GALNT14: variants seen among roughly 807,000 people sequenced by gnomAD.
GALNT14 encodes the protein UDP-GalNAc:polypeptide N-acetylgalactosaminyltransferase 14.
GALNT14 carries 60 observed loss-of-function variants against 77.5 expected under a neutral mutation model. The ratio of observed to expected loss-of-function variants is 0.77; its 90% CI spans 0.63 to 0.96. GALNT14 has a LOEUF of 0.96. Among genes scored for constraint, GALNT14 ranks in the 40% least tolerant of loss-of-function variants. The pLI, the probability that GALNT14 is intolerant of heterozygous loss-of-function variation, is 0.00. For missense variants in GALNT14, 710 were observed against 731.0 expected (o/e 0.97, Z 0.33); for synonymous variants, 280 against 281.7 (o/e 0.99, Z 0.06).
intron 2 of GALNT14, among the ~76,000 whole-genome samples, chr2:30,981,013 C>T (rs1227017683): frequency 1.3e-5 from 2 of 152,148 alleles, no homozygotes; most frequent in African/African-American, 2.4e-5. Context: ...CACCGTGGTT[C>T]GAGATTAGGC....
At chr2:30,942,060 C>T (rs1242137980) in intron 9 of GALNT14, 141 bp downstream of exon 9, 1 of 574,274 alleles carries the variant, frequency 1.7e-6, no homozygotes, top group East Asian at 3.0e-5. Flanking sequence ...AAAAGAGTAA[C>T]TCACCATCTC....
At chr2:30,945,202 G>A (rs1004511543) in intron 7 of GALNT14, among the ~76,000 whole-genome samples, 2 of 152,198 alleles carry the variant, frequency 1.3e-5, no homozygotes, top group African/African-American at 4.8e-5. Context: ...AAGGGCAGAG[G>A]ATAAAAAGCC....
At chr2:31,079,713 G>A (rs551538653) in intron 1 of GALNT14, among the ~76,000 whole-genome samples, 19 of 152,216 alleles carry the variant, frequency 1.2e-4, no homozygotes, top group South Asian at 2.1e-4. Flanking sequence ...GGTTAAAAGG[G>A]GTCTGGCACA....
At chr2:30,994,350 C>T (rs970141377) in intron 1 of GALNT14, among the ~76,000 whole-genome samples, 2 of 152,168 alleles carry the variant, frequency 1.3e-5, no homozygotes, top group African/African-American at 4.8e-5. Flanking sequence ...CCAGGGCAGG[C>T]TCCACAGACA....
chr2:31,057,352 G>A (rs866766949), intron 1 of GALNT14, among the ~76,000 whole-genome samples: 1,490 of 86,666 alleles, frequency 0.017, 20 homozygotes, highest in African/African-American at 0.065. Context: ...ATATATATGT[G>A]TGTGTGTGTG....
the GALNT14 span, among the ~76,000 whole-genome samples, chr2:30,903,024 T>A: frequency 6.6e-6 from 1 of 152,140 alleles, no homozygotes; most frequent in Non-Finnish European, 1.5e-5. Flanking sequence ...ATGACCTCCC[T>A]TCTCTTTCCC....
chr2:31,035,567 G>A lies in GALNT14; in HGVS notation c.130-42560C>T, dbSNP rs528727291. On this transcript the variant is annotated intron_variant, in intron 1 of 14. Transcript: ENST00000349752. ...GGATAAAGAAAATGTGTGTGTGTGT[G>A]TATGTGTGTGTGTGTGTGTATACAT... 3.1e-3 allele frequency among the ~76,000 whole-genome samples: 418 copies of A among 135,986 alleles called. 3 individuals carry two copies. Among genetic ancestry groups the A allele is most frequent in the Middle Eastern group, 0.019 (5 of 270 alleles). 89.2% of individuals were successfully genotyped at this position (135,986 alleles called of 152,430 possible). A position where few individuals can be genotyped will look rare whatever the true frequency, so the allele number is the denominator to read the frequency against.
At position 30,914,791 on chromosome 2, in the gene GALNT14, G is replaced by C. The variant is rs76072815; in HGVS notation, c.1381-2449C>G. 4.7e-3 allele frequency among the ~76,000 whole-genome samples: 719 copies of C among 152,320 alleles called. 4 individuals are homozygous for C. Among genetic ancestry groups the C allele is most frequent in the African/African-American group, 0.017 (698 of 41,556 alleles). On this transcript the variant is annotated intron_variant, in intron 13 of 14. Coordinates refer to ENST00000349752, the MANE Select transcript of GALNT14 (RefSeq NM_024572.4). Reference sequence around the variant, plus strand: ...AACCCAGGGATGAGACCCACGCAGGGTTTTGAATTAGGCTGGGGCCATTTG... The same window carrying C: ...AACCCAGGGATGAGACCCACGCAGGCTTTTGAATTAGGCTGGGGCCATTTG...
chr2:31,122,319 T>C (rs922893041), intron 1 of GALNT14, among the ~76,000 whole-genome samples: 1 of 152,206 alleles, frequency 6.6e-6, no homozygotes, highest in African/African-American at 2.4e-5. Context: ...TTACCTGGCA[T>C]GGAGGAAGCC....
At chr2:30,980,473 T>A (rs1668918360) in intron 2 of GALNT14, among the ~76,000 whole-genome samples, 1 of 151,980 alleles carries the variant, frequency 6.6e-6, no homozygotes, top group Non-Finnish European at 1.5e-5. Flanking sequence ...TTACTAGAGG[T>A]TAAAGATGAG....
chr2:30,992,920 G>A lies in GALNT14; in HGVS notation c.217C>T (p.Pro73Ser). The change falls in exon 2 of 15, where the codon CCC becomes TCC. Residue 73 changes from proline (P) to serine (S), a missense_variant. Physicochemically the swap from Pro to Ser is moderately conservative, Grantham distance 74 (BLOSUM62 -1). Coordinates refer to ENST00000349752, the MANE Select transcript of GALNT14 (RefSeq NM_024572.4). ...NAKKWRVGDD[P>S]YKLYAFNQRE... The stretch of plus-strand genomic sequence containing the variant: ...TGGTTGAAAGCATACAGCTTATAGG[G>A]GTCGTCACCAACGCGCCACTTTTTG... 1.9e-6 allele frequency: 3 copies of A among 1,614,146 alleles called. No individual in the cohort carries two copies. The highest frequency in any genetic ancestry group is 2.5e-6 in the Non-Finnish European group (3 of 1,180,030).
chr2:31,017,834 A>G (rs1442296164), intron 1 of GALNT14, among the ~76,000 whole-genome samples: 1 of 152,374 alleles, frequency 6.6e-6, no homozygotes, highest in Admixed American at 6.5e-5. Flanking sequence ...AGGGGATTTA[A>G]TGATCAGCTT....
chr2:30,932,673 A>T (rs1665812334), intron 9 of GALNT14, among the ~76,000 whole-genome samples: 1 of 152,226 alleles, frequency 6.6e-6, no homozygotes, highest in African/African-American at 2.4e-5. Context: ...CAAGGTGACC[A>T]TTGTGAGAAG....
chr2:31,018,425 G>A (rs892388035), intron 1 of GALNT14, among the ~76,000 whole-genome samples: 3 of 152,216 alleles, frequency 2.0e-5, no homozygotes, highest in Non-Finnish European at 4.4e-5. Context: ...GAAGAGGCAT[G>A]TCTTACATGG....
chr2:31,043,198 TTAAG>T (rs950083434), intron 1 of GALNT14, among the ~76,000 whole-genome samples: 10 of 152,192 alleles, frequency 6.6e-5, no homozygotes, highest in African/African-American at 2.2e-4. Flanking sequence ...CCTCACCTCC[TTAAG>T]TAAGTGCTCA....
chr2:30,956,427 A>G (rs2081318), intron 4 of GALNT14, among the ~76,000 whole-genome samples: 17,941 of 152,240 alleles, frequency 0.12, 1,408 homozygotes, highest in Non-Finnish European at 0.16. Context: ...CAGGCATGCA[A>G]TGTGTAATAA....
At chr2:31,100,713 A>C (rs2148612868) in intron 1 of GALNT14, among the ~76,000 whole-genome samples, 1 of 152,064 alleles carries the variant, frequency 6.6e-6, no homozygotes, top group South Asian at 2.1e-4. Context: ...AAAAAAAAAA[A>C]AATACCTGAA....
At chr2:31,012,697 T>C (rs1025826562) in intron 1 of GALNT14, among the ~76,000 whole-genome samples, 3 of 151,986 alleles carry the variant, frequency 2.0e-5, no homozygotes, top group African/African-American at 7.3e-5. Flanking sequence ...ATGGCAATGA[T>C]GCAAACATGC....
intron 1 of GALNT14, among the ~76,000 whole-genome samples, chr2:31,019,259 C>T (rs1482289104): frequency 6.6e-6 from 1 of 152,166 alleles, no homozygotes. Context: ...TCTATTTCAA[C>T]TTGAAATAAT....
Sources: allele counts gnomAD v4.1 joint callset (sites outside exome capture counted in the v4.1 genomes callset), GRCh38; gene constraint gnomAD v4.1.1; transcripts MANE v1.5; gene names NCBI Gene and HGNC (gene_info 2026-07-23, HGNC 2026-07-21).